Variants in CACNA1A observed in about 807,000 individuals in gnomAD.
CACNA1A encodes the protein voltage-dependent P/Q-type calcium channel subunit alpha-1A.
A neutral mutation model predicts 262.4 loss-of-function variants in CACNA1A; 57 were observed. The ratio of observed to expected loss-of-function variants is 0.22; its 90% CI spans 0.18 to 0.27. The LOEUF (loss-of-function observed/expected upper bound fraction) is 0.27, where lower values mean the gene tolerates loss of function less well. Ranked by LOEUF, CACNA1A falls within the 10% of genes least tolerant of loss-of-function variation. The pLI, the probability that CACNA1A is intolerant of heterozygous loss-of-function variation, is 1.00. For missense variants in CACNA1A, 2,526 were observed against 3,562.8 expected (o/e 0.71, Z 7.41); for synonymous variants, 1,431 against 1,419.3 (o/e 1.01, Z -0.18).
At chr19:13,410,467 C>T (rs1299306885) in intron 3 of CACNA1A, among the ~76,000 whole-genome samples, 2 of 151,600 alleles carry the variant, frequency 1.3e-5, no homozygotes, top group Non-Finnish European at 2.9e-5. Context: ...CCCGAGGTCT[C>T]AGCCTCCCAA....
chr19:13,281,400 C>T (rs1047381659), intron 22 of CACNA1A, among the ~76,000 whole-genome samples: 1 of 134,356 alleles, frequency 7.4e-6, no homozygotes, highest in South Asian at 2.3e-4. Flanking sequence ...AAAAAAAAAG[C>T]CTGTGCAGGT....
At chr19:13,323,354 G>A (rs1460396596) in intron 10 of CACNA1A, among the ~76,000 whole-genome samples, 3 of 152,218 alleles carry the variant, frequency 2.0e-5, no homozygotes, top group Non-Finnish European at 2.9e-5. Context: ...GTTTTGATTT[G>A]CATTTCCCTG....
In CACNA1A at chr19:13,207,946, G is replaced by C; in HGVS notation, c.6888C>G (p.His2296Gln). The C allele has an allele frequency of 7.2e-7, 1 of 1,385,088 alleles. No homozygotes were observed. The highest frequency in any genetic ancestry group is 1.7e-5 in the South Asian group (1 of 58,492). The allele number at this position is 1,385,088 out of a possible 1,614,324, so 85.8% of individuals were successfully genotyped here. A position where few individuals can be genotyped will look rare whatever the true frequency, so the allele number is the denominator to read the frequency against. ...LPQTPSTPRP[H>Q]VSYSPVIRKA... ...TACGGATCACAGGGGAATAGGACACGTGTGGCCGGGGGGTGGAGGGGGTCT... is the reference window on the plus strand; with the variant it reads ...TACGGATCACAGGGGAATAGGACACCTGTGGCCGGGGGGTGGAGGGGGTCT... Residue 2296 changes from histidine (H) to glutamine (Q), a missense_variant, in exon 47 of 47, where the codon CAC becomes CAG. Transcript: ENST00000360228. The surrounding 1 kb of genome is among the most constrained non-coding windows in gnomAD (Gnocchi z 5.7).
chr19:13,390,139 A>C (rs972730666), intron 3 of CACNA1A, among the ~76,000 whole-genome samples: 7 of 151,554 alleles, frequency 4.6e-5, no homozygotes, highest in African/African-American at 1.7e-4. Context: ...ATGTTTAGAG[A>C]CAGGTCTCAC....
At chr19:13,357,845 T>C (rs2059032691) in intron 6 of CACNA1A, among the ~76,000 whole-genome samples, 1 of 151,580 alleles carries the variant, frequency 6.6e-6, no homozygotes, top group Non-Finnish European at 1.5e-5. Context: ...CTCTATAAAA[T>C]TGTTCTTAAA....
intron 3 of CACNA1A, among the ~76,000 whole-genome samples, chr19:13,409,744 A>T (rs2060077177): frequency 6.6e-6 from 1 of 151,990 alleles, no homozygotes; most frequent in African/African-American, 2.4e-5. Flanking sequence ...GTGTTTTGCC[A>T]TGTTGCTTAG....
intron 6 of CACNA1A, among the ~76,000 whole-genome samples, chr19:13,346,645 TATATATATATATATA>T (rs1568557379): frequency 2.5e-4 from 2 of 8,002 alleles, no homozygotes; most frequent in African/African-American, 5.1e-4. Flanking sequence ...TATATATATA[TATATATATATATATA>T]TATATATTTT....
At chr19:13,306,647 T>G (rs567430591) in intron 15 of CACNA1A, 4 of 152,516 alleles carry the variant, frequency 2.6e-5, no homozygotes, top group African/African-American at 9.6e-5. Context: ...GCAGGCTTTT[T>G]AAAAGCAAAC....
At position 13,303,496 on chromosome 19, in the gene CACNA1A, C is replaced by T. The variant is rs749565682; in HGVS notation, c.2172+50G>A. On this transcript the variant is annotated intron_variant, in intron 17 of 46. Transcript: ENST00000360228. ...CACCCCCACCCCCGTCCTGATCTGC[C>T]ATGGGCAGGTGGTAACTTTGCCAGA... 2.3e-5 allele frequency: 13 copies of T among 570,502 alleles called. No homozygotes were observed. In the Admixed American group the frequency reaches 3.0e-4, roughly 13 times the overall value. The allele number at this position is 570,502 out of a possible 1,614,324, so 35.3% of individuals were successfully genotyped here.
chr19:13,216,832 T>C (rs1277825336), intron 38 of CACNA1A, among the ~76,000 whole-genome samples: 2 of 152,074 alleles, frequency 1.3e-5, no homozygotes, highest in African/African-American at 2.4e-5. Flanking sequence ...GGGCTGCTAT[T>C]TGGATATGCT....
chr19:13,210,929 A>T, intron 43 of CACNA1A: 1 of 544,794 alleles, frequency 1.8e-6, no homozygotes, highest in Non-Finnish European at 3.3e-6. Context: ...TGGCAGAGGC[A>T]TGGGACCGAA....
intron 10 of CACNA1A, among the ~76,000 whole-genome samples, chr19:13,322,126 T>C (rs56052703): frequency 0.47 from 70,608 of 149,228 alleles, 18,770 homozygotes; most frequent in East Asian, 0.8. Context: ...GGCATGAGCC[T>C]GTGAGGTTGG....
intron 36 of CACNA1A, among the ~76,000 whole-genome samples, chr19:13,227,938 G>A (rs1225354964): frequency 8.7e-6 from 1 of 114,792 alleles, no homozygotes; most frequent in African/African-American, 3.5e-5. Context: ...TAAAGAGACA[G>A]GGTCTCTCTC....
intron 24 of CACNA1A, among the ~76,000 whole-genome samples, chr19:13,270,992 A>G (rs1322569975): frequency 6.6e-6 from 1 of 152,148 alleles, no homozygotes; most frequent in Non-Finnish European, 1.5e-5. Context: ...TTTCTTGCAT[A>G]AGAATTAAAA....
intron 1 of CACNA1A, among the ~76,000 whole-genome samples, chr19:13,476,960 T>A (rs1270446737): frequency 6.6e-6 from 1 of 152,070 alleles, no homozygotes; most frequent in Non-Finnish European, 1.5e-5. Flanking sequence ...CCTCCTCTGC[T>A]CAAAAGCCCT....
intron 34 of CACNA1A, among the ~76,000 whole-genome samples, chr19:13,234,573 C>G (rs533720769): frequency 1.3e-5 from 2 of 152,078 alleles, no homozygotes; most frequent in Admixed American, 1.3e-4. Flanking sequence ...TGACTATGTC[C>G]CAGGGCCCTC....
At chr19:13,302,499 A>G (rs2057806059) in intron 17 of CACNA1A, among the ~76,000 whole-genome samples, 1 of 152,214 alleles carries the variant, frequency 6.6e-6, no homozygotes, top group African/African-American at 2.4e-5. Context: ...ACTGAATAGG[A>G]TTAAAAACAC....
intron 1 of CACNA1A, among the ~76,000 whole-genome samples, chr19:13,467,159 T>C (rs922272469): frequency 1.3e-5 from 2 of 152,008 alleles, no homozygotes; most frequent in Non-Finnish European, 2.9e-5. Context: ...GGGAAAAAAT[T>C]TGAAAGACAA....
Position 13,207,894 on chromosome 19 carries a change from GC to G in CACNA1A, c.6939del (p.Gln2313HisfsTer295). 1.4e-6 allele frequency: 2 copies of G among 1,452,568 alleles called. No individual in the cohort carries two copies. Among genetic ancestry groups the G allele is most frequent in the Admixed American group, 2.4e-5 (1 of 41,608 alleles). The allele number at this position is 1,452,568 out of a possible 1,614,324, so 90.0% of individuals were successfully genotyped here. On this transcript the variant is annotated frameshift_variant, in exon 47 of 47. Transcript: ENST00000360228. LOFTEE classifies it low-confidence loss of function (END_TRUNC). The surrounding 1 kb of genome is among the most constrained non-coding windows in gnomAD (Gnocchi z 5.7). ...TGCTGCTGCTGCTGCTGCTGCTGCT[GC>G]TGCGGGGGCCCCGAGCCGCCGGCCT... is the stretch of plus-strand genomic sequence containing the variant. ...IRKAGGSGPP[Q>X]QQQQQQQQQQ... is the part of the protein sequence containing the mutation.
Sources: gnomAD v4.1 joint callset for allele counts (sites outside exome capture counted in the v4.1 genomes callset) on GRCh38, gnomAD v4.1.1 for gene constraint, Gnocchi (gnomAD v3.1) non-coding constraint, MANE v1.5 for transcripts, NCBI Gene and HGNC (gene_info 2026-07-23, HGNC 2026-07-21) for gene names.